Variants in GSE1 observed in about 807,000 individuals in gnomAD.
The protein encoded by GSE1 is Gse1 coiled-coil protein, also known as genetic suppressor element 1.
Under a neutral mutation model 112.6 loss-of-function variants are expected in GSE1, and 32 were observed. The ratio of observed to expected loss-of-function variants is 0.28; its 90% CI spans 0.21 to 0.38. The LOEUF is 0.38. GSE1 is among the 10% of genes least tolerant of loss of function. GSE1 has a pLI of 1.00. For synonymous variants in GSE1, 1,115 were observed against 735.6 expected (o/e 1.52, Z -8.35); for missense variants, 2,348 against 1,699.2 (o/e 1.38, Z -6.71).
chr16:85,459,380 G>C (rs1039723661), intron 2 of GSE1, among the ~76,000 whole-genome samples: 1 of 152,212 alleles, frequency 6.6e-6, no homozygotes, highest in African/African-American at 2.4e-5. Context: ...TTGAAGAGTA[G>C]AGTGACTTTG....
At chr16:85,470,346 G>A (rs571344453) in intron 2 of GSE1, among the ~76,000 whole-genome samples, 11 of 152,336 alleles carry the variant, frequency 7.2e-5, no homozygotes, top group African/African-American at 2.4e-4. Flanking sequence ...GCCAGACTAA[G>A]CTCAGCACAC....
In GSE1 at chr16:85,658,076, G is replaced by A. The variant is rs79905322; in HGVS notation, c.1640+472G>A. Among the ~76,000 whole-genome samples, 290 of 152,324 alleles carry A rather than the reference G, an allele frequency of 1.9e-3. 2 individuals carry two copies. Among genetic ancestry groups the A allele is most frequent in the African/African-American group, 6.0e-3 (251 of 41,562 alleles). On this transcript the variant is annotated intron_variant, in intron 8 of 15. Coordinates refer to ENST00000253458, the MANE Select transcript of GSE1 (RefSeq NM_014615.5). ...GTATTAATAGTAAAAACACATGCCC[G>A]TTTTCTAGCCCTTTATGAAAGCATT... is the stretch of plus-strand genomic sequence containing the variant.
chr16:85,368,797 G>C (rs2047237304), intron 2 of GSE1, among the ~76,000 whole-genome samples: 1 of 152,102 alleles, frequency 6.6e-6, no homozygotes, highest in South Asian at 2.1e-4. Context: ...TTTTCTCTAG[G>C]GGGCTTCCCA....
chr16:85,314,655 G>T (rs978206544), intron 1 of GSE1, among the ~76,000 whole-genome samples: 4 of 152,176 alleles, frequency 2.6e-5, no homozygotes, highest in Non-Finnish European at 2.9e-5. Flanking sequence ...CCCCTGGCAG[G>T]CTCCCCATGC....
At chr16:85,528,496 T>A (rs1241699930) in intron 2 of GSE1, among the ~76,000 whole-genome samples, 10 of 150,922 alleles carry the variant, frequency 6.6e-5, no homozygotes, top group African/African-American at 2.4e-4. Flanking sequence ...TTTTTTTTTT[T>A]AATTTTTAGT....
chr16:85,385,567 G>A (rs1408244169), intron 2 of GSE1, among the ~76,000 whole-genome samples: 1 of 152,184 alleles, frequency 6.6e-6, no homozygotes, highest in Non-Finnish European at 1.5e-5. Context: ...CCCTGGTGGA[G>A]GAGGGGTGTC....
At chr16:85,455,627 T>C (rs1193250274) in intron 2 of GSE1, among the ~76,000 whole-genome samples, 1 of 152,202 alleles carries the variant, frequency 6.6e-6, no homozygotes, top group Non-Finnish European at 1.5e-5. Flanking sequence ...CCGTTTGGAA[T>C]TGATGGCTCA....
intron 1 of GSE1, among the ~76,000 whole-genome samples, chr16:85,335,138 TC>T (rs1239684220): frequency 6.6e-6 from 1 of 152,230 alleles, no homozygotes; most frequent in Non-Finnish European, 1.5e-5. Flanking sequence ...TGTTAATCGC[TC>T]ATGTTGATTT....
In GSE1 at chr16:85,672,090, C is replaced by T. The variant is rs560228376; in HGVS notation, c.3520-315C>T. ...CTCGGCTCACTGCAACCTCCGCCTC[C>T]TGGGTTCAAGCGATTCTCCTGCCTC... On this transcript the variant is annotated intron_variant, in intron 15 of 15. Transcript: ENST00000253458. 9.1e-5 allele frequency: 28 copies of T among 308,530 alleles called. No homozygotes were observed. In the Admixed American group the frequency reaches 1.1e-3, roughly 12 times the overall value. The allele number at this position is 308,530 out of a possible 1,614,324, so 19.1% of individuals were successfully genotyped here. A position where few individuals can be genotyped will look rare whatever the true frequency, so the allele number is the denominator to read the frequency against.
intron 1 of GSE1, among the ~76,000 whole-genome samples, chr16:85,564,345 G>A (rs147783795): frequency 3.7e-4 from 56 of 152,254 alleles, no homozygotes; most frequent in African/African-American, 1.2e-3. Context: ...CAGGTGTGCC[G>A]GGAGCTGGGC....
At chr16:85,465,461 C>G (rs561714654) in intron 2 of GSE1, among the ~76,000 whole-genome samples, 1 of 152,258 alleles carries the variant, frequency 6.6e-6, no homozygotes, top group African/African-American at 2.4e-5. Flanking sequence ...TTCTCCCATT[C>G]GTTCCATGGG....
intron 1 of GSE1, among the ~76,000 whole-genome samples, chr16:85,330,893 G>A (rs764843272): frequency 1.3e-5 from 2 of 152,124 alleles, no homozygotes; most frequent in Non-Finnish European, 1.5e-5. Context: ...GTCTGCTGCT[G>A]TGTGGGAATC....
At chr16:85,404,233 C>T (rs1373768509) in intron 2 of GSE1, among the ~76,000 whole-genome samples, 2 of 100,018 alleles carry the variant, frequency 2.0e-5, no homozygotes, top group African/African-American at 8.7e-5. Context: ...ACTCAGGGCC[C>T]CCCCGGATAA....
At chr16:85,528,819 C>CT (rs1002168751) in intron 2 of GSE1, among the ~76,000 whole-genome samples, 3 of 152,070 alleles carry the variant, frequency 2.0e-5, no homozygotes, top group Non-Finnish European at 4.4e-5. Context: ...TGATAAAGCC[C>CT]TTTCTGGTCA....
chr16:85,664,970 A>G lies in GSE1; in HGVS notation c.2645-45A>G, dbSNP rs1271288046. 3 of 1,275,460 alleles carry G rather than the reference A, an allele frequency of 2.4e-6. No homozygotes were observed. The East Asian group carries it at 7.0e-5, about 30-fold the overall frequency. The allele number at this position is 1,275,460 out of a possible 1,614,324, so 79.0% of individuals were successfully genotyped here. A position where few individuals can be genotyped will look rare whatever the true frequency, so the allele number is the denominator to read the frequency against. On this transcript the variant is annotated intron_variant, in intron 11 of 15. Coordinates refer to ENST00000253458, the MANE Select transcript of GSE1 (RefSeq NM_014615.5). The stretch of plus-strand genomic sequence containing the variant: ...GAATCCCGCTGTCCTTCTCTCCAAA[A>G]AATGATGCAACTGGCTCGTTAATCT...
intron 2 of GSE1, among the ~76,000 whole-genome samples, chr16:85,427,399 T>C (rs2049018447): frequency 6.6e-6 from 1 of 152,200 alleles, no homozygotes; most frequent in Non-Finnish European, 1.5e-5. Flanking sequence ...CCCAGCACTT[T>C]GGGAGGCTGA....
At chr16:85,382,832 T>C (rs2047581048) in intron 2 of GSE1, among the ~76,000 whole-genome samples, 1 of 147,352 alleles carries the variant, frequency 6.8e-6, no homozygotes, top group South Asian at 2.1e-4. Flanking sequence ...ACAAACACAC[T>C]CATGCACACA....
In GSE1 at chr16:85,506,042, G is replaced by A. The variant is rs116040031; in HGVS notation, c.2465-127872G>A. On this transcript the variant is annotated intron_variant, in intron 2 of 2. Coordinates refer to the GSE1 transcript ENST00000637419. ...AGGTTTGGAGTGCCTCCTGAATGGC[G>A]CGTTCCAAGAGGGACTCCACAGTGA... Among the ~76,000 whole-genome samples, 1,165 of 152,072 alleles carry A rather than the reference G, an allele frequency of 7.7e-3. 15 individuals carry two copies. The highest frequency in any genetic ancestry group is 0.026 in the African/African-American group (1,071 of 41,462).
chr16:85,261,445 A>T (rs1907673780), intron 1 of GSE1, among the ~76,000 whole-genome samples: 1 of 152,194 alleles, frequency 6.6e-6, no homozygotes, highest in South Asian at 2.1e-4. Flanking sequence ...GGCACTTGGC[A>T]TGTTTCCCCT....
Sources: gnomAD v4.1 joint callset for allele counts (sites outside exome capture counted in the v4.1 genomes callset) on GRCh38, gnomAD v4.1.1 for gene constraint, MANE v1.5 for transcripts, NCBI Gene and HGNC (gene_info 2026-07-23, HGNC 2026-07-21) for gene names.